The following TMEM168 variants were observed in gnomAD, a reference collection of about 807,000 sequenced individuals.
TMEM168 encodes the protein transmembrane protein 168.
TMEM168 carries 40 observed loss-of-function variants against 53.2 expected under a neutral mutation model. The ratio of observed to expected loss-of-function variants is 0.75; its 90% confidence interval spans 0.58 to 0.98. The LOEUF (loss-of-function observed/expected upper bound fraction) is 0.98. Among genes scored for constraint, TMEM168 ranks in the 50% least tolerant of loss-of-function variants. TMEM168 has a pLI of 0.00. For synonymous variants in TMEM168, 282 were observed against 293.0 expected, an observed-to-expected ratio of 0.96 and a Z score of 0.38; for missense variants, 771 against 828.8, an observed-to-expected ratio of 0.93 and a Z score of 0.86.
intron 4 of TMEM168, among the ~76,000 whole-genome samples, chr7:112,769,483 C>T: frequency 6.6e-6 from 1 of 152,092 alleles, no homozygotes; most frequent in East Asian, 1.9e-4. Flanking sequence ...ACATGCCATC[C>T]ACAACTATTT....
intron 2 of TMEM168, among the ~76,000 whole-genome samples, chr7:112,775,556 T>A (rs1793056869): frequency 6.7e-6 from 1 of 149,776 alleles, no homozygotes; most frequent in East Asian, 2.0e-4. Context: ...ACACGGCACA[T>A]CATTTTTAAA....
intron 3 of TMEM168, among the ~76,000 whole-genome samples, chr7:112,774,787 G>A (rs992876621): frequency 2.0e-5 from 3 of 151,842 alleles, no homozygotes; most frequent in Non-Finnish European, 2.9e-5. Flanking sequence ...CACCATGTTG[G>A]CCAGGCTGGT....
chr7:112,770,599 G>GAT (rs1350254291), intron 4 of TMEM168, among the ~76,000 whole-genome samples: 15 of 121,896 alleles, frequency 1.2e-4, no homozygotes, highest in Non-Finnish European at 1.7e-4. Context: ...AACTGCGAGA[G>GAT]ATATATATAT....
Position 112,766,860 on chromosome 7 carries a change from A to T in TMEM168, c.*337T>A. ...CTAAACTATTATTATATGCCTAGAAAATAAGGCATTAGTAATTCATCATTG... is the reference window on the plus strand; with the variant it reads ...CTAAACTATTATTATATGCCTAGAATATAAGGCATTAGTAATTCATCATTG... On this transcript the variant is annotated 3_prime_UTR_variant, in exon 5 of 5. Coordinates refer to ENST00000312814, the MANE Select transcript of TMEM168 (RefSeq NM_022484.6). 5.0e-6 allele frequency: 1 copy of T among 201,326 alleles called. No individual in the cohort carries two copies. The highest frequency in any genetic ancestry group is 1.3e-4 in the South Asian group (1 of 7,904). The allele number at this position is 201,326 out of a possible 1,614,324, so 12.5% of individuals were successfully genotyped here.
At chr7:112,786,002 G>A (rs904347788) in intron 1 of TMEM168, among the ~76,000 whole-genome samples, 1 of 152,130 alleles carries the variant, frequency 6.6e-6, no homozygotes, top group Admixed American at 6.6e-5. Flanking sequence ...GAGGTCAGCA[G>A]TTCAAGACCA....
rs1792778782 is a variant in TMEM168 at position 112,766,388 on chromosome 7, TC to T, written c.*808del. 1 of 152,632 alleles carries T rather than the reference TC, an allele frequency of 6.6e-6. No homozygotes were observed. Among genetic ancestry groups the T allele is most frequent in the African/African-American group, 2.4e-5 (1 of 41,452 alleles). The allele number at this position is 152,632 out of a possible 1,614,324, so 9.5% of individuals were successfully genotyped here. ...TCAGTCAACGAGAAATTGCTAAATT[TC>T]TTCTATGAGAGTACTTTTCAAAAAG... is the stretch of plus-strand genomic sequence containing the variant. On this transcript the variant is annotated 3_prime_UTR_variant, in exon 5 of 5. Coordinates refer to ENST00000312814, the MANE Select transcript of TMEM168 (RefSeq NM_022484.6).
At chr7:112,787,736 TTTTTTTTTTTTTTG>T (rs1793428758) in intron 1 of TMEM168, among the ~76,000 whole-genome samples, 1 of 115,146 alleles carries the variant, frequency 8.7e-6, no homozygotes, top group Non-Finnish European at 1.9e-5. Flanking sequence ...TTTTTTTTTT[TTTTTTTTTTTTTTG>T]AGACAGAGTT....
chr7:112,773,500 AAT>A (rs757702274), intron 3 of TMEM168, among the ~76,000 whole-genome samples: 8 of 152,196 alleles, frequency 5.3e-5, no homozygotes, highest in South Asian at 2.1e-4. Flanking sequence ...TGTATTGAAA[AAT>A]AGTCAATAAA....
At chr7:112,779,909 T>C (rs7789772) in intron 2 of TMEM168, among the ~76,000 whole-genome samples, 56,953 of 152,042 alleles carry the variant, frequency 0.37, 12,471 homozygotes, top group African/African-American at 0.61. Flanking sequence ...TTGGAAAACA[T>C]ACATAGAAGT....
intron 4 of TMEM168, among the ~76,000 whole-genome samples, chr7:112,768,490 A>G (rs1432288926): frequency 6.6e-6 from 1 of 152,196 alleles, no homozygotes; most frequent in South Asian, 2.1e-4. Flanking sequence ...GAGTTTAAGA[A>G]CAGATTTACA....
At chr7:112,789,097 A>G (rs895440382) in intron 1 of TMEM168, among the ~76,000 whole-genome samples, 9 of 152,108 alleles carry the variant, frequency 5.9e-5, no homozygotes, top group Admixed American at 1.3e-4. Flanking sequence ...TGACCTTTCA[A>G]TTACAAACTG....
intron 4 of TMEM168, among the ~76,000 whole-genome samples, chr7:112,769,732 G>A (rs147856920): frequency 1.9e-3 from 292 of 152,104 alleles, no homozygotes; most frequent in African/African-American, 6.6e-3. Context: ...CTTTTTAAAG[G>A]TTTTATTTGT....
rs940386819 is a variant in TMEM168 at position 112,765,437 on chromosome 7, C to A, written c.*1760G>T. On this transcript the variant is annotated 3_prime_UTR_variant, in exon 5 of 5. Transcript: ENST00000312814. ...GCTTTCTTAAAGTGAAGAGATAATG[C>A]TTTAAAGCTAACCTGCTCACAAATA... 3.3e-5 allele frequency: 5 copies of A among 152,116 alleles called. No homozygotes were observed. Among genetic ancestry groups the A allele is most frequent in the Non-Finnish European group, 7.4e-5 (5 of 68,006 alleles). The allele number at this position is 152,116 out of a possible 1,614,324, so 9.4% of individuals were successfully genotyped here. A position where few individuals can be genotyped will look rare whatever the true frequency, so the allele number is the denominator to read the frequency against.
At position 112,783,981 on chromosome 7, in the gene TMEM168, G is replaced by A; in HGVS notation, c.845C>T (p.Ala282Val). Residue 282 changes from alanine to valine, a missense_variant, in exon 2 of 5, where the codon GCA becomes GTA. Physicochemically the swap from Ala to Val is moderately conservative, Grantham distance 64. Transcript: ENST00000312814. ...GAGGTGAGTGTCTCTAAGTTTGAAT[G>A]CGGAAAGAATAAAAAATGTAAGCTC... ...MIELTFFILS[A>V]FKLRDTHLWY... is the part of the protein sequence containing the mutation. The A allele has an allele frequency of 6.2e-7, 1 of 1,613,146 alleles. No individual in the cohort carries two copies.
chr7:112,774,359 A>ATTTTTTTTT (rs558123531), intron 3 of TMEM168, among the ~76,000 whole-genome samples: 9 of 94,256 alleles, frequency 9.5e-5, no homozygotes, highest in Non-Finnish European at 1.7e-4. Flanking sequence ...GTGTTTTTAC[A>ATTTTTTTTT]TTTTTTTTTT....
At position 112,772,998 on chromosome 7, in the gene TMEM168, C is replaced by T; in HGVS notation, c.1329G>A (p.Arg443=). Residue 443 remains arginine, a synonymous_variant, in exon 4 of 5, where the codon AGG becomes AGA. Transcript: ENST00000312814. ...PPEHVQELNL[R]STGMLNAIQR... ...GGATAGCATTGAGCATGCCAGTAGA[C>T]CTCAAATTTAACTCCTGTACATGTT... is the stretch of plus-strand genomic sequence containing the variant. The T allele has an allele frequency of 1.9e-6, 3 of 1,613,674 alleles. No homozygotes were observed. Among genetic ancestry groups the T allele is most frequent in the Non-Finnish European group, 2.5e-6 (3 of 1,179,682 alleles).
Position 112,775,314 on chromosome 7 carries a change from G to C in TMEM168, c.1133C>G (p.Thr378Arg), listed in dbSNP as rs144584238. 3 of 1,611,988 alleles carry C rather than the reference G, an allele frequency of 1.9e-6. No homozygotes were observed. The African/African-American group carries it at 4.0e-5, about 22-fold the overall frequency. Reference protein sequence around the residue: ...AILGAVSWQPTNGIFLSMFLI... With the variant: ...AILGAVSWQPRNGIFLSMFLI... Reference sequence around the variant, plus strand: ...AAACATGCTCAAGAAAATTCCATTTGTTGGCTAAAAGAAATCCAAAACATG... The same window carrying C: ...AAACATGCTCAAGAAAATTCCATTTCTTGGCTAAAAGAAATCCAAAACATG... The change falls in exon 3 of 5, where the codon ACA becomes AGA. Residue 378 changes from threonine (T) to arginine (R), a missense_variant. Coordinates refer to ENST00000312814, the MANE Select transcript of TMEM168 (RefSeq NM_022484.6).
chr7:112,783,868 G>A lies in TMEM168; in HGVS notation c.958C>T (p.His320Tyr). 6.2e-7 allele frequency: 1 copy of A among 1,603,686 alleles called. No individual in the cohort carries two copies. Among genetic ancestry groups the A allele is most frequent in the Non-Finnish European group, 8.5e-7 (1 of 1,176,976 alleles). The change falls in exon 2 of 5, where the codon CAT becomes TAT. Residue 320 changes from histidine to tyrosine, a missense_variant. Transcript: ENST00000312814. Reference sequence around the variant, plus strand: ...TTATGGCAGTCATTTAATTTGGTATGGAATCCCCAAAGAGTTAAAAGAAAA... The same window carrying A: ...TTATGGCAGTCATTTAATTTGGTATAGAATCCCCAAAGAGTTAAAAGAAAA... ...IIFLLTLWGF[H>Y]TKLNDCHKVY... is the part of the protein sequence containing the mutation.
At position 112,776,121 on chromosome 7, in the gene TMEM168, T is replaced by C. The variant is rs1025683777; in HGVS notation, c.1129-803A>G. Among the ~76,000 whole-genome samples the C allele has an allele frequency of 3.3e-5, 5 of 150,476 alleles. No homozygotes were observed. The Admixed American group carries it at 3.3e-4, about 10-fold the overall frequency. On this transcript the variant is annotated intron_variant, in intron 2 of 4. Coordinates refer to ENST00000312814, the MANE Select transcript of TMEM168 (RefSeq NM_022484.6). ...TATTCTTTCTCTATTACTTTCTTTC[T>C]GTATAAGTTCTTAAGGAAATTTAAG... is the stretch of plus-strand genomic sequence containing the variant.
Sources: allele counts gnomAD v4.1 joint callset (sites outside exome capture counted in the v4.1 genomes callset), GRCh38; gene constraint gnomAD v4.1.1; transcripts MANE v1.5; gene names NCBI Gene and HGNC (gene_info 2026-07-23, HGNC 2026-07-21).